CCER2: variants seen among roughly 807,000 people sequenced by gnomAD.
CCER2 encodes the protein coiled-coil domain-containing glutamate-rich protein 2.
A neutral mutation model predicts 27.1 loss-of-function variants in CCER2; 20 were observed. The ratio of observed to expected loss-of-function variants is 0.74; its 90% CI spans 0.52 to 1.07. CCER2 has a LOEUF of 1.07. Among genes scored for constraint, CCER2 ranks in the 50% least tolerant of loss-of-function variants. CCER2 has a pLI of 0.00. For missense variants in CCER2, 351 were observed against 344.7 expected (o/e 1.02, Z -0.14); for synonymous variants, 140 against 144.3 (o/e 0.97, Z 0.21).
chr19:38,910,498 C>T (rs1004110034), intron 4 of CCER2, 65 bp downstream of exon 4: 70 of 1,430,810 alleles, frequency 4.9e-5, no homozygotes, highest in Non-Finnish European at 6.3e-5. Flanking sequence ...AGTTGTGACT[C>T]CACTGACCAT....
chr19:38,909,458 T>C, intron 4 of CCER2, 133 bp from the exon 5 acceptor site: 4 of 808,716 alleles, frequency 4.9e-6, no homozygotes, highest in Non-Finnish European at 6.0e-6. Context: ...TGGACCGCGA[T>C]GGTGACCATG....
chr19:38,909,944 C>G lies in CCER2; in HGVS notation c.711+619G>C, dbSNP rs1184516409. Among the ~76,000 whole-genome samples, 3 of 151,028 alleles carry G rather than the reference C, an allele frequency of 2.0e-5. No homozygotes were observed. In the East Asian group the frequency reaches 5.9e-4, roughly 30 times the overall value. ...CGGGACTGCTGTGGCACAATCATGA[C>G]TCAATGCAGCCTCAAACTCCCGGGT... On this transcript the variant is annotated intron_variant, in intron 4 of 4. Coordinates refer to ENST00000571838, the MANE Select transcript of CCER2 (RefSeq NM_001243212.2).
chr19:38,911,880 T>C (rs1274768515), intron 1 of CCER2, 28 bp from the exon 2 acceptor site: 2 of 1,534,112 alleles, frequency 1.3e-6, no homozygotes, highest in Non-Finnish European at 1.7e-6. Context: ...GGCACTGGGC[T>C]TTGCCGCCCT....
At position 38,911,673 on chromosome 19, in the gene CCER2, G is replaced by T; in HGVS notation, c.103-20C>A. The stretch of plus-strand genomic sequence containing the variant: ...GGTCAGCTGGGGGGCAGGGGTGCCG[G>T]GTCAGAGGGGAGGTTGAGGGCAGGG... On this transcript the variant is annotated intron_variant, in intron 2 of 4. Transcript: ENST00000571838. 1 of 1,534,868 alleles carries T rather than the reference G, an allele frequency of 6.5e-7. No homozygotes were observed. Among genetic ancestry groups the T allele is most frequent in the Non-Finnish European group, 8.7e-7 (1 of 1,146,128 alleles).
At position 38,910,989 on chromosome 19, in the gene CCER2, C is replaced by T. The variant is rs1297833019; in HGVS notation, c.285G>A (p.Arg95=). 6.6e-7 allele frequency: 1 copy of T among 1,506,866 alleles called. No individual in the cohort carries two copies. Among genetic ancestry groups the T allele is most frequent in the Non-Finnish European group, 8.8e-7 (1 of 1,134,454 alleles). The allele number at this position is 1,506,866 out of a possible 1,614,324, so 93.3% of individuals were successfully genotyped here. The change falls in exon 4 of 5, where the codon AGG becomes AGA. Residue 95 remains arginine, a synonymous_variant. Transcript: ENST00000571838. The stretch of plus-strand genomic sequence containing the variant: ...CCTCATCCCTCACCTCCTGGCTGGA[C>T]CTCATCTTCCCAGCCTCCTGCTTCT... ...DFKKQEAGKM[R]SSQEVRDEEE...
chr19:38,912,033 CT>C, intron 1 of CCER2, 64 bp downstream of exon 1: 3 of 1,509,820 alleles, frequency 2.0e-6, no homozygotes, highest in Non-Finnish European at 2.6e-6. Context: ...TGCCTGCCCC[CT>C]CCCACTGGAG....
chr19:38,910,620 G>C lies in CCER2; in HGVS notation c.654C>G (p.His218Gln). 5.9e-6 allele frequency: 9 copies of C among 1,523,098 alleles called. No homozygotes were observed. The highest frequency in any genetic ancestry group is 7.9e-6 in the Non-Finnish European group (9 of 1,139,556). The allele number at this position is 1,523,098 out of a possible 1,614,324, so 94.3% of individuals were successfully genotyped here. A position where few individuals can be genotyped will look rare whatever the true frequency, so the allele number is the denominator to read the frequency against. ...RREDLPHHHH[H>Q]HHQPEAEPRQ... ...TGGGCTCAGCCTCTGGCTGGTGGTG[G>C]TGGTGGTGGTGGTGGGGCAAGTCCT... is the stretch of plus-strand genomic sequence containing the variant. The change falls in exon 4 of 5, where the codon CAC becomes CAG. Residue 218 changes from histidine (H) to glutamine (Q), a missense_variant. Coordinates refer to ENST00000571838, the MANE Select transcript of CCER2 (RefSeq NM_001243212.2).
Position 38,911,846 on chromosome 19 carries a change from G to A in CCER2, c.68C>T (p.Ala23Val). 1.3e-6 allele frequency: 2 copies of A among 1,535,166 alleles called. No individual in the cohort carries two copies. The change falls in exon 2 of 5, where the codon GCT (alanine) becomes GTT (valine). Residue 23 changes from alanine (A) to valine (V), a missense_variant. By Grantham distance (64) the Ala-to-Val change is moderately conservative (BLOSUM62 0). Coordinates refer to ENST00000571838, the MANE Select transcript of CCER2 (RefSeq NM_001243212.2). The part of the protein sequence containing the change: ...LRLLLLGAAT[A>V]APLAPRPSKE... Reference sequence around the variant, plus strand: ...GGAGGGTCTCGGTGCCAAGGGAGCAGCGGTGGCTGTGGAGAAAGGAGATGG... The same window carrying A: ...GGAGGGTCTCGGTGCCAAGGGAGCAACGGTGGCTGTGGAGAAAGGAGATGG...
Position 38,910,789 on chromosome 19 carries a change from C to T in CCER2, c.485G>A (p.Gly162Glu), listed in dbSNP as rs1330860503. 6 of 1,535,000 alleles carry T rather than the reference C, an allele frequency of 3.9e-6. No homozygotes were observed. Among genetic ancestry groups the T allele is most frequent in the Non-Finnish European group, 5.2e-6 (6 of 1,146,394 alleles). ...TGCCACCCGCTTCTGGAGGTCCCCT[C>T]CATTCTCTAGATGCCGCTGCCACAG... ...EDLWQRHLEN[G>E]GDLQKRVAEK... Residue 162 changes from glycine to glutamate, a missense_variant, in exon 4 of 5, where the codon GGA becomes GAA. Physicochemically the swap from Gly to Glu is moderately conservative, Grantham distance 98 (BLOSUM62 -2). Coordinates refer to ENST00000571838, the MANE Select transcript of CCER2 (RefSeq NM_001243212.2).
rs1974313380 is a variant in CCER2 at position 38,911,795 on chromosome 19, G to A, written c.102+17C>T. The A allele has an allele frequency of 8.5e-6, 13 of 1,535,142 alleles. No individual in the cohort carries two copies. Among genetic ancestry groups the A allele is most frequent in the South Asian group, 4.8e-5 (4 of 84,038 alleles). The stretch of plus-strand genomic sequence containing the variant: ...CCCCAGCTAGGTGAGGCAGGGCAAG[G>A]CCTCCACACTCCTCACCTCCTCCTT... On this transcript the variant is annotated intron_variant, in intron 2 of 4. Transcript: ENST00000571838.
At chr19:38,910,438 G>T in intron 4 of CCER2, 125 bp downstream of exon 4, 1 of 1,335,074 alleles carries the variant, frequency 7.5e-7, no homozygotes, top group Non-Finnish European at 9.8e-7. Context: ...TGGCCACTGT[G>T]ATCCACTAGT....
In CCER2 at chr19:38,910,592, G is replaced by T; in HGVS notation, c.682C>A (p.Gln228Lys). Reference protein sequence around the residue: ...HHHQPEAEPRQEKEEASEREE... With the variant: ...HHHQPEAEPRKEKEEASEREE... ...CTCTCCGAAGCCTCCTCCTTCTCCT[G>T]CCTGGGCTCAGCCTCTGGCTGGTGG... The change falls in exon 4 of 5, where the codon CAG (glutamine) becomes AAG (lysine). Residue 228 changes from glutamine to lysine, a missense_variant. Physicochemically the swap from Gln to Lys is moderately conservative, Grantham distance 53 (BLOSUM62 1). Coordinates refer to ENST00000571838, the MANE Select transcript of CCER2 (RefSeq NM_001243212.2). 1 of 1,500,722 alleles carries T rather than the reference G, an allele frequency of 6.7e-7. No individual in the cohort carries two copies. Among genetic ancestry groups the T allele is most frequent in the Non-Finnish European group, 8.9e-7 (1 of 1,126,802 alleles). The allele number at this position is 1,500,722 out of a possible 1,614,324, so 93.0% of individuals were successfully genotyped here.
rs745727573 is a variant in CCER2 at position 38,911,664 on chromosome 19, G to C, written c.103-11C>G. On this transcript the variant is annotated splice_polypyrimidine_tract_variant and intron_variant, in intron 2 of 4. Transcript: ENST00000571838. ...CAGACAGCGGGTCAGCTGGGGGGCA[G>C]GGGTGCCGGGTCAGAGGGGAGGTTG... The C allele has an allele frequency of 1.3e-6, 2 of 1,535,390 alleles. No individual in the cohort carries two copies. The highest frequency in any genetic ancestry group is 2.7e-5 in the African/African-American group (2 of 73,052).
chr19:38,912,115 A>AGCC lies in CCER2; in HGVS notation c.41_43dup (p.Arg14dup), dbSNP rs1483012872. ...GCACTCACCCGCCCCCAGCAGGAGC[A>AGCC]GCCGCAGCAGCAGCAGCTCAGAGGC... On this transcript the variant is annotated inframe_insertion, in exon 1 of 5. Coordinates refer to ENST00000571838, the MANE Select transcript of CCER2 (RefSeq NM_001243212.2). 3 of 1,515,862 alleles carry AGCC rather than the reference A, an allele frequency of 2.0e-6. No homozygotes were observed. Among genetic ancestry groups the AGCC allele is most frequent in the Middle Eastern group, 2.0e-4 (1 of 5,070 alleles). The allele number at this position is 1,515,862 out of a possible 1,614,324, so 93.9% of individuals were successfully genotyped here.
Position 38,910,719 on chromosome 19 carries a change from C to A in CCER2, c.555G>T (p.Glu185Asp). The part of the protein sequence containing the change: ...DKETAQFQAE[E>D]KGVRVLGGDR... ...CCCCGCCCAGCACCCGCACCCCCTT[C>A]TCCTCTGCCTGGAACTGGGCCGTCT... The change falls in exon 4 of 5, where the codon GAG becomes GAT. Residue 185 changes from glutamate (E) to aspartate (D), a missense_variant. Glu to Asp is a conservative substitution (Grantham distance 45). Coordinates refer to ENST00000571838, the MANE Select transcript of CCER2 (RefSeq NM_001243212.2). The A allele has an allele frequency of 6.5e-7, 1 of 1,532,744 alleles. No individual in the cohort carries two copies. Among genetic ancestry groups the A allele is most frequent in the Non-Finnish European group, 8.7e-7 (1 of 1,145,166 alleles). 94.9% of individuals were successfully genotyped at this position (1,532,744 alleles called of 1,614,324 possible). A position where few individuals can be genotyped will look rare whatever the true frequency, so the allele number is the denominator to read the frequency against.
intron 1 of CCER2, 43 bp from the exon 2 acceptor site, chr19:38,911,895 G>A (rs1448921767): frequency 2.6e-6 from 4 of 1,532,840 alleles, no homozygotes; most frequent in Non-Finnish European, 2.6e-6. Context: ...CGCCCTGGCT[G>A]CTGTCCCCGG....
chr19:38,911,146 GGCTCAC>G, intron 3 of CCER2, 63 bp from the exon 4 acceptor site: 1 of 1,384,730 alleles, frequency 7.2e-7, no homozygotes, highest in Non-Finnish European at 9.4e-7. Context: ...CGAGTATGGA[GGCTCAC>G]GCCTGTAATC....
rs181740944 is a variant in CCER2 at position 38,910,648 on chromosome 19, C to T, written c.626G>A (p.Arg209His). The change falls in exon 4 of 5, where the codon CGC becomes CAC. Residue 209 changes from arginine (R) to histidine (H), a missense_variant. Coordinates refer to ENST00000571838, the MANE Select transcript of CCER2 (RefSeq NM_001243212.2). The stretch of plus-strand genomic sequence containing the variant: ...GTGGTGGTGGTGGGGCAAGTCCTCG[C>T]GCCTCTCTCCTCCGCCTCTCTCGGC... ...QGAERGGGER[R>H]EDLPHHHHHH... 6,225 of 1,531,638 alleles carry T rather than the reference C, an allele frequency of 4.1e-3. 17 individuals are homozygous for T. The highest frequency in any genetic ancestry group is 5.1e-3 in the Non-Finnish European group (5,786 of 1,144,514). 94.9% of individuals were successfully genotyped at this position (1,531,638 alleles called of 1,614,324 possible). A position where few individuals can be genotyped will look rare whatever the true frequency, so the allele number is the denominator to read the frequency against.
intron 1 of CCER2, 22 bp downstream of exon 1, chr19:38,912,076 A>C (rs1600157686): frequency 1.3e-6 from 2 of 1,524,342 alleles, no homozygotes; most frequent in Non-Finnish European, 1.8e-6. Context: ...CAGGTCCCGC[A>C]CTCGGCAGGT....
Sources: allele counts gnomAD v4.1 joint callset (sites outside exome capture counted in the v4.1 genomes callset), GRCh38; gene constraint gnomAD v4.1.1; transcripts MANE v1.5; gene names NCBI Gene and HGNC (gene_info 2026-07-23, HGNC 2026-07-21).